The following GNPDA2 variants were observed in gnomAD, a reference collection of about 807,000 sequenced individuals.
GNPDA2 encodes the protein glucosamine-6-phosphate deaminase 2, also known as glcN6P deaminase 2.
In GNPDA2, 24 loss-of-function variants were observed where a neutral mutation model predicts 27.0. The observed-to-expected ratio is 0.89, with a 90% CI of 0.64 to 1.25. GNPDA2 has a LOEUF of 1.25. GNPDA2 is among the 50% of genes most tolerant of loss of function. The pLI, the probability that GNPDA2 is intolerant of heterozygous loss-of-function variation, is 0.00. For missense variants in GNPDA2, 286 were observed against 335.1 expected (o/e 0.85, Z 1.14); for synonymous variants, 94 against 108.4 (o/e 0.87, Z 0.83).
rs895309991 is a variant in GNPDA2 at position 44,705,198 on chromosome 4, T to G, written c.770-2056A>C. 6.1e-6 allele frequency: 6 copies of G among 980,602 alleles called. No homozygotes were observed. In the South Asian group the frequency reaches 2.8e-4, roughly 46 times the overall value. 60.7% of individuals were successfully genotyped at this position (980,602 alleles called of 1,614,324 possible). A position where few individuals can be genotyped will look rare whatever the true frequency, so the allele number is the denominator to read the frequency against. On this transcript the variant is annotated intron_variant, in intron 6 of 6. Coordinates refer to ENST00000295448, the MANE Select transcript of GNPDA2 (RefSeq NM_138335.3). Reference sequence around the variant, plus strand: ...TTTGAAGAGTTATGGATGACAATTATAGGAATTTACATCCTCCAGTATTTT... The same window carrying G: ...TTTGAAGAGTTATGGATGACAATTAGAGGAATTTACATCCTCCAGTATTTT...
intron 2 of GNPDA2, among the ~76,000 whole-genome samples, chr4:44,721,750 A>T (rs570163591): frequency 4.6e-5 from 7 of 152,248 alleles, no homozygotes; most frequent in South Asian, 2.1e-4. Flanking sequence ...AAAGCCAATC[A>T]ACTAAAAACT....
Position 44,702,710 on chromosome 4 carries a change from G to A in GNPDA2, c.*371C>T. On this transcript the variant is annotated 3_prime_UTR_variant, in exon 7 of 7. Transcript: ENST00000295448. Reference sequence around the variant, plus strand: ...GATAGTTTGTTATCTGAAAGGTTTGGAGTGTCTTGTCATTAAAAAATGAAA... The same window carrying A: ...GATAGTTTGTTATCTGAAAGGTTTGAAGTGTCTTGTCATTAAAAAATGAAA... 1 of 1,053,398 alleles carries A rather than the reference G, an allele frequency of 9.5e-7. No individual in the cohort carries two copies. The highest frequency in any genetic ancestry group is 1.7e-5 in the African/African-American group (1 of 58,120). The allele number at this position is 1,053,398 out of a possible 1,614,324, so 65.3% of individuals were successfully genotyped here. A position where few individuals can be genotyped will look rare whatever the true frequency, so the allele number is the denominator to read the frequency against.
intron 5 of GNPDA2, among the ~76,000 whole-genome samples, chr4:44,708,790 A>G (rs1716781157): frequency 6.6e-6 from 1 of 152,164 alleles, no homozygotes; most frequent in Admixed American, 6.6e-5. Flanking sequence ...TAGTTCTAAA[A>G]TATAACAAAT....
At chr4:44,717,430 G>T in intron 3 of GNPDA2, 135 bp from the exon 4 acceptor site, 1 of 515,964 alleles carries the variant, frequency 1.9e-6, no homozygotes. Flanking sequence ...TTCTTATGTG[G>T]AATATATGAT....
intron 6 of GNPDA2, chr4:44,703,979 A>G: frequency 1.0e-6 from 1 of 985,104 alleles, no homozygotes; most frequent in Non-Finnish European, 1.2e-6. Flanking sequence ...GGGGAAAGGC[A>G]CTTAATGCGG....
intron 4 of GNPDA2, among the ~76,000 whole-genome samples, chr4:44,715,671 G>A (rs1577590606): frequency 6.6e-6 from 1 of 152,140 alleles, no homozygotes. Flanking sequence ...TACGTACAAA[G>A]CAGGAGTATG....
At position 44,712,779 on chromosome 4, in the gene GNPDA2, A is replaced by G. The variant is rs1471044564; in HGVS notation, c.410-1642T>C. Among the ~76,000 whole-genome samples the G allele has an allele frequency of 4.6e-5, 7 of 152,210 alleles. No individual in the cohort carries two copies. In the South Asian group the frequency reaches 6.2e-4, roughly 14 times the overall value. On this transcript the variant is annotated intron_variant, in intron 4 of 6. Coordinates refer to ENST00000295448, the MANE Select transcript of GNPDA2 (RefSeq NM_138335.3). ...AAGCTGAAATTATGAGCAAAGGTTAATAACAGAGCTGGGTCAAGGTATTTG... is the reference window on the plus strand; with the variant it reads ...AAGCTGAAATTATGAGCAAAGGTTAGTAACAGAGCTGGGTCAAGGTATTTG...
At chr4:44,715,993 C>T (rs1717258331) in intron 4 of GNPDA2, among the ~76,000 whole-genome samples, 2 of 151,904 alleles carry the variant, frequency 1.3e-5, no homozygotes, top group African/African-American at 2.4e-5. Context: ...TTATGGAGTA[C>T]CAACTATATA....
intron 6 of GNPDA2, chr4:44,703,737 A>G: frequency 1.0e-6 from 1 of 984,150 alleles, no homozygotes; most frequent in Non-Finnish European, 1.2e-6. Context: ...CCGGTAGATT[A>G]TAACTTTCAT....
intron 1 of GNPDA2, among the ~76,000 whole-genome samples, chr4:44,725,149 C>A (rs1717934420): frequency 6.6e-6 from 1 of 152,030 alleles, no homozygotes; most frequent in Non-Finnish European, 1.5e-5. Flanking sequence ...ATATTCTAAG[C>A]ACTATGCTAG....
intron 2 of GNPDA2, among the ~76,000 whole-genome samples, chr4:44,720,854 C>T (rs1260527179): frequency 6.6e-6 from 1 of 152,112 alleles, no homozygotes; most frequent in Non-Finnish European, 1.5e-5. Context: ...TTTAGCACTG[C>T]TGACATTTAA....
At chr4:44,708,355 ACT>A (rs1408549662) in intron 5 of GNPDA2, among the ~76,000 whole-genome samples, 1 of 152,114 alleles carries the variant, frequency 6.6e-6, no homozygotes, top group African/African-American at 2.4e-5. Context: ...AAAAGCAAAG[ACT>A]CTAAAACAAC....
chr4:44,711,103 C>T lies in GNPDA2; in HGVS notation c.444G>A (p.Glu148=). The T allele has an allele frequency of 6.2e-7, 1 of 1,608,306 alleles. No homozygotes were observed. The highest frequency in any genetic ancestry group is 1.1e-5 in the South Asian group (1 of 90,020). Residue 148 remains glutamate (E), a synonymous_variant, in exon 5 of 7, where the codon GAG becomes GAA. Coordinates refer to ENST00000295448, the MANE Select transcript of GNPDA2 (RefSeq NM_138335.3). ...TCCTTGACACTAAACTGGATCCAGG[C>T]TCATTGAAAGCGATATGACCATCTG... ...IGPDGHIAFN[E]PGSSLVSRTR... is the part of the protein sequence containing the mutation.
At chr4:44,713,870 ACT>A (rs1468625758) in intron 4 of GNPDA2, among the ~76,000 whole-genome samples, 1 of 152,118 alleles carries the variant, frequency 6.6e-6, no homozygotes, top group African/African-American at 2.4e-5. Flanking sequence ...ACAGAGCGAG[ACT>A]CTGTCTCAAC....
intron 3 of GNPDA2, 63 bp downstream of exon 3, chr4:44,718,246 C>T: frequency 1.6e-6 from 1 of 624,616 alleles, no homozygotes; most frequent in Non-Finnish European, 2.8e-6. Flanking sequence ...TCTAAAACTA[C>T]ATTCATTTTA....
At chr4:44,716,521 C>CAT (rs576749812) in intron 4 of GNPDA2, among the ~76,000 whole-genome samples, 4,340 of 151,540 alleles carry the variant, frequency 0.029, 200 homozygotes, top group African/African-American at 0.1. Flanking sequence ...ATTATATATA[C>CAT]ACACACATAT....
In GNPDA2 at chr4:44,711,828, T is replaced by TAC. The variant is rs5857973; in HGVS notation, c.410-693_410-692dup. ...AATCTAGTATATATATATATATATA[T>TAC]ACACATATACAACACAAACATATAA... On this transcript the variant is annotated intron_variant, in intron 4 of 6. Transcript: ENST00000295448. Among the ~76,000 whole-genome samples, 1,003 of 148,344 alleles carry TAC rather than the reference T, an allele frequency of 6.8e-3. 8 individuals carry two copies. The highest frequency in any genetic ancestry group is 0.011 in the Middle Eastern group (3 of 284).
Position 44,702,421 on chromosome 4 carries a change from A to G in GNPDA2, c.*660T>C. On this transcript the variant is annotated 3_prime_UTR_variant, in exon 7 of 7. Transcript: ENST00000295448. ...ATTAGGGACATGAACCCAAGTCGTT[A>G]AATAAAAATAAGATATTTGTAAAAA... The G allele has an allele frequency of 1.0e-6, 1 of 975,646 alleles. No homozygotes were observed. Among genetic ancestry groups the G allele is most frequent in the Non-Finnish European group, 1.2e-6 (1 of 820,758 alleles). The allele number at this position is 975,646 out of a possible 1,614,324, so 60.4% of individuals were successfully genotyped here. A position where few individuals can be genotyped will look rare whatever the true frequency, so the allele number is the denominator to read the frequency against.
At chr4:44,721,400 T>C (rs998274882) in intron 2 of GNPDA2, among the ~76,000 whole-genome samples, 1 of 152,094 alleles carries the variant, frequency 6.6e-6, no homozygotes, top group Non-Finnish European at 1.5e-5. Context: ...ATAGAACAAA[T>C]GCCTTGTAGT....
Sources: allele counts gnomAD v4.1 joint callset (sites outside exome capture counted in the v4.1 genomes callset), GRCh38; gene constraint gnomAD v4.1.1; transcripts MANE v1.5; gene names NCBI Gene and HGNC (gene_info 2026-07-23, HGNC 2026-07-21).